The following FGF14 variants were observed in gnomAD, a reference collection of about 807,000 sequenced individuals.
FGF14 encodes fibroblast growth factor 14.
Under a neutral mutation model 25.5 loss-of-function variants are expected in FGF14, and 5 were observed. The observed-to-expected ratio is 0.20, with a 90% CI of 0.10 to 0.41. The LOEUF is 0.41. FGF14 is among the 10% of genes least tolerant of loss of function. The pLI is 1.00. For missense variants in FGF14, 222 were observed against 320.1 expected (o/e 0.69, Z 2.34); for synonymous variants, 138 against 118.3 (o/e 1.17, Z -1.08).
chr13:101,903,129 A>G (rs1348976912), intron 1 of FGF14, among the ~76,000 whole-genome samples: 1 of 152,126 alleles, frequency 6.6e-6, no homozygotes, highest in Non-Finnish European at 1.5e-5. Context: ...TTGCTGAGGA[A>G]TATGTTCAAT....
At chr13:102,035,943 AAAGG>A (rs1443111687) in intron 1 of FGF14, among the ~76,000 whole-genome samples, 2 of 152,270 alleles carry the variant, frequency 1.3e-5, no homozygotes, top group East Asian at 3.9e-4. Context: ...AGGCCTGGGG[AAAGG>A]AAGATCAATG....
At position 102,239,596 on chromosome 13, in the gene FGF14, T is replaced by C. The variant is rs117573031; in HGVS notation, c.208+161875A>G. ...ATGCATTTATAGCATTAGCTGCACATGTGACTAACAAGTAAAAAATAAAGA... is the reference window on the plus strand; with the variant it reads ...ATGCATTTATAGCATTAGCTGCACACGTGACTAACAAGTAAAAAATAAAGA... On this transcript the variant is annotated intron_variant, in intron 1 of 4. Coordinates refer to the FGF14 transcript ENST00000376131. 8.7e-3 allele frequency among the ~76,000 whole-genome samples: 1,330 copies of C among 152,204 alleles called. 10 individuals carry two copies. The highest frequency in any genetic ancestry group is 0.012 in the Non-Finnish European group (814 of 68,016).
At chr13:102,349,140 C>A (rs2057199749) in intron 1 of FGF14, among the ~76,000 whole-genome samples, 1 of 152,200 alleles carries the variant, frequency 6.6e-6, no homozygotes, top group Non-Finnish European at 1.5e-5. Context: ...AAGCTCCCCA[C>A]AACAAAGAAT....
intron 3 of FGF14, among the ~76,000 whole-genome samples, chr13:101,741,538 T>C (rs1172900841): frequency 6.6e-6 from 1 of 151,584 alleles, no homozygotes; most frequent in East Asian, 1.9e-4. Context: ...GGATAATATA[T>C]GAGATATGGT....
At chr13:102,245,718 A>T (rs1483517940) in intron 1 of FGF14, among the ~76,000 whole-genome samples, 1 of 152,070 alleles carries the variant, frequency 6.6e-6, no homozygotes, top group Non-Finnish European at 1.5e-5. Context: ...GCATTACCTG[A>T]TTTAATAAGC....
chr13:101,734,373 C>T (rs1248784520), intron 3 of FGF14, among the ~76,000 whole-genome samples: 1 of 152,062 alleles, frequency 6.6e-6, no homozygotes, highest in African/African-American at 2.4e-5. Context: ...GTGGTATTTA[C>T]AATACGTCTA....
At chr13:102,397,506 A>C (rs140992484) in intron 1 of FGF14, among the ~76,000 whole-genome samples, 138 of 152,326 alleles carry the variant, frequency 9.1e-4, no homozygotes, top group African/African-American at 3.2e-3. Context: ...GGGCACTGAC[A>C]TTTGTACTCA....
At chr13:102,150,344 G>T (rs1015346862) in intron 1 of FGF14, among the ~76,000 whole-genome samples, 1 of 151,824 alleles carries the variant, frequency 6.6e-6, no homozygotes, top group Non-Finnish European at 1.5e-5. Flanking sequence ...ACATAGAGTG[G>T]GGATGATAAT....
chr13:102,250,133 A>G (rs2052096020), intron 1 of FGF14, among the ~76,000 whole-genome samples: 1 of 152,192 alleles, frequency 6.6e-6, no homozygotes, highest in Non-Finnish European at 1.5e-5. Context: ...GTAAGCTTTA[A>G]CATCAGCCAA....
At chr13:101,833,132 G>A (rs894646645) in intron 3 of FGF14, among the ~76,000 whole-genome samples, 1 of 152,008 alleles carries the variant, frequency 6.6e-6, no homozygotes, top group African/African-American at 2.4e-5. Flanking sequence ...AGGGTGGGTA[G>A]GAGGTAGGGT....
intron 1 of FGF14, among the ~76,000 whole-genome samples, chr13:102,071,164 G>A (rs2043138393): frequency 6.6e-6 from 1 of 152,092 alleles, no homozygotes; most frequent in South Asian, 2.1e-4. Flanking sequence ...ACCAAACAAG[G>A]GTTATCTGCT....
intron 3 of FGF14, among the ~76,000 whole-genome samples, chr13:101,755,548 A>G (rs1193936533): frequency 6.6e-6 from 1 of 151,950 alleles, no homozygotes; most frequent in African/African-American, 2.4e-5. Flanking sequence ...TTGGCTAAAA[A>G]TAAATCAGAT....
chr13:102,263,309 C>G (rs2052813542), intron 1 of FGF14: 1 of 264,638 alleles, frequency 3.8e-6, no homozygotes, highest in East Asian at 1.1e-4. Context: ...GTAAGGTGGA[C>G]TTACTCATTT....
At chr13:102,012,210 G>C (rs906756232) in intron 1 of FGF14, among the ~76,000 whole-genome samples, 1 of 152,108 alleles carries the variant, frequency 6.6e-6, no homozygotes, top group African/African-American at 2.4e-5. Flanking sequence ...AGGAGGGGCT[G>C]GGGGTGAAGG....
intron 1 of FGF14, among the ~76,000 whole-genome samples, chr13:102,053,463 T>C (rs74407093): frequency 0.052 from 7,873 of 152,152 alleles, 234 homozygotes; most frequent in Middle Eastern, 0.071. Flanking sequence ...AAACAACATG[T>C]TCCTGAACAA....
intron 1 of FGF14, among the ~76,000 whole-genome samples, chr13:102,374,300 A>G (rs886811280): frequency 6.6e-6 from 1 of 152,076 alleles, no homozygotes; most frequent in Non-Finnish European, 1.5e-5. Context: ...TATTAAAAAT[A>G]TACTGAGCAT....
At chr13:102,025,078 C>A (rs1045131770) in intron 1 of FGF14, among the ~76,000 whole-genome samples, 2 of 151,386 alleles carry the variant, frequency 1.3e-5, no homozygotes, top group African/African-American at 2.4e-5. Flanking sequence ...TGTATACTGG[C>A]ATACTTCTTG....
chr13:101,822,676 C>T (rs1181116487), intron 3 of FGF14, among the ~76,000 whole-genome samples: 2 of 152,140 alleles, frequency 1.3e-5, no homozygotes, highest in Non-Finnish European at 2.9e-5. Flanking sequence ...ACGATCAAAT[C>T]AGGGCCAATT....
intron 3 of FGF14, among the ~76,000 whole-genome samples, chr13:101,731,899 C>T (rs1329169135): frequency 2.0e-5 from 3 of 152,096 alleles, no homozygotes; most frequent in East Asian, 1.9e-4. Flanking sequence ...GCTGCGTGGT[C>T]GAGAAAGATC....
Sources: allele counts gnomAD v4.1 joint callset (sites outside exome capture counted in the v4.1 genomes callset), GRCh38; gene constraint gnomAD v4.1.1; transcripts MANE v1.5; gene names NCBI Gene and HGNC (gene_info 2026-07-23, HGNC 2026-07-21).